ATP8B4: variants seen among roughly 807,000 people sequenced by gnomAD.
ATP8B4 encodes the protein probable phospholipid-transporting ATPase IM.
ATP8B4 carries 133 observed loss-of-function variants against 145.6 expected under a neutral mutation model. The ratio of observed to expected loss-of-function variants is 0.91; its 90% CI spans 0.79 to 1.05. The LOEUF (loss-of-function observed/expected upper bound fraction) is 1.05, where lower values mean the gene tolerates loss of function less well. Ranked by LOEUF, ATP8B4 falls within the 50% of genes least tolerant of loss-of-function variation. The pLI, the probability that ATP8B4 is intolerant of heterozygous loss-of-function variation, is 0.00. For missense variants in ATP8B4, 1,458 were observed against 1,425.2 expected, an observed-to-expected ratio of 1.02 and a Z score of -0.37; for synonymous variants, 507 against 492.9, an observed-to-expected ratio of 1.03 and a Z score of -0.38.
At chr15:49,873,551 C>T (rs188964457) in intron 25 of ATP8B4, among the ~76,000 whole-genome samples, 3 of 152,182 alleles carry the variant, frequency 2.0e-5, no homozygotes, top group Non-Finnish European at 4.4e-5. Context: ...ATCCGATTTC[C>T]ATTTTTTTCA....
intron 19 of ATP8B4, among the ~76,000 whole-genome samples, chr15:49,918,248 G>C (rs1049667262): frequency 1.3e-5 from 2 of 152,196 alleles, no homozygotes; most frequent in Non-Finnish European, 2.9e-5. Context: ...ATTTTGTCAA[G>C]CCTGAAGGTC....
intron 1 of ATP8B4, among the ~76,000 whole-genome samples, chr15:50,158,378 C>T (rs2044459397): frequency 1.3e-5 from 2 of 151,594 alleles, no homozygotes; most frequent in South Asian, 4.2e-4. Context: ...GCCACCCCAT[C>T]CGGGAGGGAG....
chr15:49,905,473 T>TA (rs61029150), intron 20 of ATP8B4, among the ~76,000 whole-genome samples: 16,728 of 152,156 alleles, frequency 0.11, 1,043 homozygotes, highest in South Asian at 0.2. Flanking sequence ...CTTTGAGCAA[T>TA]AGCTTTTTTG....
At chr15:50,053,658 C>G (rs532978424) in intron 3 of ATP8B4, among the ~76,000 whole-genome samples, 37 of 152,182 alleles carry the variant, frequency 2.4e-4, no homozygotes, top group Non-Finnish European at 4.9e-4. Context: ...CTTACTTTAG[C>G]TTTCAACAGA....
intron 8 of ATP8B4, among the ~76,000 whole-genome samples, chr15:49,998,958 G>A (rs939481361): frequency 6.6e-5 from 10 of 152,036 alleles, no homozygotes; most frequent in African/African-American, 2.4e-4. Context: ...TTCTACATAT[G>A]GCTAGCCAGT....
At chr15:49,981,117 A>C in intron 11 of ATP8B4, 89 bp downstream of exon 11, 1 of 1,123,882 alleles carries the variant, frequency 8.9e-7, no homozygotes, top group Non-Finnish European at 1.3e-6. Context: ...CACAAGGAGA[A>C]TGTAGGCTTC....
chr15:49,948,448 CA>C (rs1275496478), intron 14 of ATP8B4, among the ~76,000 whole-genome samples: 1 of 150,652 alleles, frequency 6.6e-6, no homozygotes, highest in East Asian at 1.9e-4. Flanking sequence ...GACTCTGTCT[CA>C]AAAAAAAGAC....
chr15:50,145,384 T>C (rs949705319), intron 1 of ATP8B4, among the ~76,000 whole-genome samples: 1 of 152,204 alleles, frequency 6.6e-6, no homozygotes, highest in African/African-American at 2.4e-5. Context: ...TTCAGTATAT[T>C]ACATTACTGA....
chr15:50,096,008 G>C (rs754286601), intron 2 of ATP8B4, among the ~76,000 whole-genome samples: 1 of 152,136 alleles, frequency 6.6e-6, no homozygotes, highest in Non-Finnish European at 1.5e-5. Flanking sequence ...TAATGTTTAG[G>C]AAAGATTTCA....
At chr15:50,152,792 T>G (rs1396404382) in intron 1 of ATP8B4, among the ~76,000 whole-genome samples, 3 of 152,228 alleles carry the variant, frequency 2.0e-5, no homozygotes, top group African/African-American at 7.2e-5. Flanking sequence ...ACCTTAACCC[T>G]TTCAAAGCTC....
chr15:50,147,397 C>G (rs371450300), intron 1 of ATP8B4, among the ~76,000 whole-genome samples: 3 of 128,496 alleles, frequency 2.3e-5, no homozygotes, highest in African/African-American at 6.2e-5. Flanking sequence ...TCCTGGGTGA[C>G]AGAGAGAAAG....
At chr15:50,051,329 C>T (rs2052171481) in intron 3 of ATP8B4, among the ~76,000 whole-genome samples, 2 of 152,150 alleles carry the variant, frequency 1.3e-5, no homozygotes, top group Admixed American at 1.3e-4. Context: ...ATTAATTAAA[C>T]CTCTTTTCTT....
chr15:49,931,758 T>A (rs1468573582), intron 15 of ATP8B4, among the ~76,000 whole-genome samples: 1 of 151,958 alleles, frequency 6.6e-6, no homozygotes, highest in Admixed American at 6.6e-5. Flanking sequence ...CTGAAAGAGG[T>A]TACATGAGTT....
intron 2 of ATP8B4, among the ~76,000 whole-genome samples, chr15:50,083,005 T>C (rs773847080): frequency 2.0e-5 from 3 of 152,196 alleles, no homozygotes; most frequent in Non-Finnish European, 4.4e-5. Context: ...AGTGCATAGA[T>C]GACTGGGAAA....
chr15:49,948,281 CAAAAAAA>C (rs35575312), intron 14 of ATP8B4, among the ~76,000 whole-genome samples: 1 of 112,320 alleles, frequency 8.9e-6, no homozygotes, highest in East Asian at 3.2e-4. Flanking sequence ...ACTAAAAATA[CAAAAAAA>C]AAAAAAAAAA....
intron 3 of ATP8B4, among the ~76,000 whole-genome samples, chr15:50,055,265 G>C (rs926756228): frequency 1.3e-5 from 2 of 152,190 alleles, no homozygotes; most frequent in Admixed American, 6.5e-5. Context: ...GGACTTTTCA[G>C]CTACATGATC....
intron 1 of ATP8B4, among the ~76,000 whole-genome samples, chr15:50,111,104 G>C (rs1294387066): frequency 6.6e-6 from 1 of 152,202 alleles, no homozygotes; most frequent in African/African-American, 2.4e-5. Flanking sequence ...GTGAGGAAGA[G>C]GGCAGCCTTC....
chr15:50,178,178 C>G (rs1238299033), intron 1 of ATP8B4, among the ~76,000 whole-genome samples: 6 of 152,076 alleles, frequency 3.9e-5, no homozygotes, highest in Admixed American at 3.9e-4. Flanking sequence ...TAGGAGGCCA[C>G]GTTGAAGTGA....
chr15:49,961,298 C>A (rs2044054077), intron 14 of ATP8B4, among the ~76,000 whole-genome samples: 1 of 152,114 alleles, frequency 6.6e-6, no homozygotes, highest in Admixed American at 6.5e-5. Context: ...TTTGATAAAA[C>A]ATTGTGTTGG....
Sources: allele counts gnomAD v4.1 joint callset (sites outside exome capture counted in the v4.1 genomes callset), GRCh38; gene constraint gnomAD v4.1.1; transcripts MANE v1.5; gene names NCBI Gene and HGNC (gene_info 2026-07-23, HGNC 2026-07-21).